Variants in ZNF804B observed in about 807,000 individuals in gnomAD.
ZNF804B encodes zinc finger 804B.
Under a neutral mutation model 101.4 loss-of-function variants are expected in ZNF804B, and 80 were observed. The observed-to-expected ratio is 0.79, with a 90% confidence interval of 0.66 to 0.95. The LOEUF (loss-of-function observed/expected upper bound fraction) is 0.95, where lower values mean the gene tolerates loss of function less well. Among genes scored for constraint, ZNF804B ranks in the 40% least tolerant of loss-of-function variants. The pLI is 0.00. For missense variants in ZNF804B, 1,673 were observed against 1,561.9 expected, an observed-to-expected ratio of 1.07 and a Z score of -1.20; for synonymous variants, 622 against 558.8, an observed-to-expected ratio of 1.11 and a Z score of -1.59.
chr7:88,781,591 T>C (rs1168802634), intron 1 of ZNF804B, among the ~76,000 whole-genome samples: 1 of 152,226 alleles, frequency 6.6e-6, no homozygotes, highest in Non-Finnish European at 1.5e-5. Flanking sequence ...ACAGCTTAAT[T>C]CAATAAACAT....
At chr7:89,266,001 A>G (rs1789788009) in intron 2 of ZNF804B, among the ~76,000 whole-genome samples, 2 of 152,356 alleles carry the variant, frequency 1.3e-5, no homozygotes, top group Admixed American at 1.3e-4. Flanking sequence ...CTCTACAACC[A>G]TGAGTACAAT....
At chr7:89,043,476 T>TA (rs1789050418) in intron 1 of ZNF804B, among the ~76,000 whole-genome samples, 1 of 152,206 alleles carries the variant, frequency 6.6e-6, no homozygotes, top group Non-Finnish European at 1.5e-5. Context: ...CAAAATGGAA[T>TA]ATTTTCTGAG....
At chr7:89,138,476 A>G (rs1790669539) in intron 1 of ZNF804B, among the ~76,000 whole-genome samples, 1 of 152,098 alleles carries the variant, frequency 6.6e-6, no homozygotes, top group Non-Finnish European at 1.5e-5. Flanking sequence ...GAGACTTTGT[A>G]CTGTAGACTT....
chr7:89,185,069 A>G (rs1013055096), intron 1 of ZNF804B, among the ~76,000 whole-genome samples: 2 of 152,208 alleles, frequency 1.3e-5, no homozygotes, highest in African/African-American at 2.4e-5. Flanking sequence ...AATAAGTAGC[A>G]GAAAGAATCT....
At chr7:88,883,710 G>T (rs1447145282) in intron 1 of ZNF804B, among the ~76,000 whole-genome samples, 1 of 152,020 alleles carries the variant, frequency 6.6e-6, no homozygotes, top group Non-Finnish European at 1.5e-5. Context: ...AGGTCTAGAA[G>T]AAATGCACAG....
In ZNF804B at chr7:89,334,473, A is replaced by G. The variant is rs569524195; in HGVS notation, c.1491A>G (p.Leu497=). ...AGGAAGACCACAATCTAGAGGACTT[A>G]AAAACAGAATTGGGTAAGAAGCCCT... is the stretch of plus-strand genomic sequence containing the variant. ...NTKEDHNLED[L]KTELGKKPLE... Residue 497 remains leucine, a synonymous_variant, in exon 4 of 4, where the codon TTA becomes TTG. Coordinates refer to ENST00000333190, the MANE Select transcript of ZNF804B (RefSeq NM_181646.5). 61 of 1,613,838 alleles carry G rather than the reference A, an allele frequency of 3.8e-5. No homozygotes were observed. The African/African-American group carries it at 5.5e-4, about 14-fold the overall frequency.
At chr7:89,203,741 A>G (rs1584051687) in intron 1 of ZNF804B, among the ~76,000 whole-genome samples, 1 of 152,172 alleles carries the variant, frequency 6.6e-6, no homozygotes, top group African/African-American at 2.4e-5. Flanking sequence ...ATTATTAGAC[A>G]TAATAGCAGA....
At chr7:88,761,199 A>C (rs1789890255) in intron 1 of ZNF804B, among the ~76,000 whole-genome samples, 3 of 152,168 alleles carry the variant, frequency 2.0e-5, no homozygotes, top group Admixed American at 2.0e-4. Flanking sequence ...GAAATCTAAG[A>C]TCAGAAAGTA....
Position 89,022,518 on chromosome 7 carries a change from G to C in ZNF804B, c.109-195637G>C, listed in dbSNP as rs569924990. On this transcript the variant is annotated intron_variant, in intron 1 of 3. Coordinates refer to ENST00000333190, the MANE Select transcript of ZNF804B (RefSeq NM_181646.5). ...TATATTTTTCCTAAAATTTCAAATT[G>C]TTTATGAAAATGTGATTTAAGTATG... is the stretch of plus-strand genomic sequence containing the variant. 1.1e-4 allele frequency among the ~76,000 whole-genome samples: 16 copies of C among 152,050 alleles called. No homozygotes were observed. In the South Asian group the frequency reaches 3.3e-3, roughly 32 times the overall value.
chr7:89,075,726 A>G (rs1296544667), intron 1 of ZNF804B, among the ~76,000 whole-genome samples: 1 of 152,118 alleles, frequency 6.6e-6, no homozygotes, highest in East Asian at 1.9e-4. Context: ...GGTAGATAAC[A>G]CTGACAGTTT....
At chr7:89,139,092 T>G (rs929151646) in intron 1 of ZNF804B, among the ~76,000 whole-genome samples, 8 of 152,074 alleles carry the variant, frequency 5.3e-5, no homozygotes, top group Admixed American at 5.2e-4. Flanking sequence ...ATAAAGCAAA[T>G]TTTGCAATAC....
intron 2 of ZNF804B, among the ~76,000 whole-genome samples, chr7:89,316,523 C>T (rs1233857846): frequency 1.3e-5 from 2 of 152,012 alleles, no homozygotes; most frequent in Admixed American, 6.6e-5. Context: ...GGAAAAGCCA[C>T]AAACGCAGAA....
chr7:89,209,253 A>G (rs929168611), intron 1 of ZNF804B, among the ~76,000 whole-genome samples: 1 of 152,140 alleles, frequency 6.6e-6, no homozygotes, highest in African/African-American at 2.4e-5. Flanking sequence ...TCACATGTTT[A>G]ATGTGCTTTT....
At chr7:88,760,193 A>G (rs1789873516) in intron 1 of ZNF804B, 109 bp downstream of exon 1, 1 of 859,104 alleles carries the variant, frequency 1.2e-6, no homozygotes, top group Non-Finnish European at 1.9e-6. Flanking sequence ...TGGACATCTA[A>G]AACGTATACC....
intron 1 of ZNF804B, among the ~76,000 whole-genome samples, chr7:88,877,008 ATATATATATATATATATAAT>A (rs1174902081): frequency 1.4e-5 from 1 of 71,240 alleles, no homozygotes; most frequent in African/African-American, 1.1e-4. Context: ...GAAAAAAAAA[ATATATATATATATATATAAT>A]ATATATATAT....
At chr7:89,216,177 C>T (rs913587561) in intron 1 of ZNF804B, among the ~76,000 whole-genome samples, 2 of 151,930 alleles carry the variant, frequency 1.3e-5, no homozygotes, top group Non-Finnish European at 2.9e-5. Context: ...CGCGGTGGCG[C>T]GCGCCTATAA....
chr7:89,202,714 G>C (rs1788661870), intron 1 of ZNF804B, among the ~76,000 whole-genome samples: 1 of 151,992 alleles, frequency 6.6e-6, no homozygotes, highest in Admixed American at 6.6e-5. Context: ...CTCTGCCATT[G>C]GTCTCAAAGA....
intron 1 of ZNF804B, among the ~76,000 whole-genome samples, chr7:89,006,552 A>G (rs1327135162): frequency 6.6e-6 from 1 of 152,036 alleles, no homozygotes; most frequent in African/African-American, 2.4e-5. Context: ...CAAAAATTAG[A>G]TAAAATAATA....
At chr7:88,837,743 G>A (rs1159906834) in intron 1 of ZNF804B, among the ~76,000 whole-genome samples, 2 of 151,748 alleles carry the variant, frequency 1.3e-5, no homozygotes, top group African/African-American at 4.8e-5. Context: ...GTATCTATGT[G>A]AGACTGAATT....
Sources: allele counts gnomAD v4.1 joint callset (sites outside exome capture counted in the v4.1 genomes callset), GRCh38; gene constraint gnomAD v4.1.1; transcripts MANE v1.5; gene names NCBI Gene and HGNC (gene_info 2026-07-23, HGNC 2026-07-21).